Variants in FBLN7 observed in about 807,000 individuals in gnomAD.
FBLN7 encodes the protein fibulin 7, also known as fibulin-7.
In FBLN7, 31 loss-of-function variants were observed where a neutral mutation model predicts 44.0. The ratio of observed to expected loss-of-function variants is 0.70; its 90% CI spans 0.53 to 0.95. FBLN7 has a LOEUF of 0.95. Ranked by LOEUF, FBLN7 falls within the 40% of genes least tolerant of loss-of-function variation. The pLI is 0.00. For missense variants in FBLN7, 573 were observed against 618.5 expected (o/e 0.93, Z 0.78); for synonymous variants, 262 against 253.4 (o/e 1.03, Z -0.32).
the FBLN7 span, among the ~76,000 whole-genome samples, chr2:112,201,303 C>T: frequency 2.0e-5 from 3 of 152,228 alleles, no homozygotes; most frequent in South Asian, 4.1e-4. Context: ...GCCTGTTTCA[C>T]GGACCATCGT....
the FBLN7 span, among the ~76,000 whole-genome samples, chr2:112,200,809 G>T: frequency 6.6e-6 from 1 of 152,156 alleles, no homozygotes; most frequent in Admixed American, 6.5e-5. Flanking sequence ...GGGATTACAG[G>T]CGTTACAGGT....
rs1019793306 is a variant in FBLN7, at chr2:112,155,981, G to A, written c.76-3695G>A. On this transcript the variant is annotated intron_variant, in intron 1 of 7. Coordinates refer to ENST00000331203, the MANE Select transcript of FBLN7 (RefSeq NM_153214.3). Reference sequence around the variant, plus strand: ...AAACTGAGCCCTCCATGTACCCGGGGCAGCTGCGGCTCCGCGAACCCACTT... The same window carrying A: ...AAACTGAGCCCTCCATGTACCCGGGACAGCTGCGGCTCCGCGAACCCACTT... Among the ~76,000 whole-genome samples the A allele has an allele frequency of 3.9e-5, 6 of 152,308 alleles. No homozygotes were observed. The East Asian group carries it at 5.8e-4, about 15-fold the overall frequency.
At chr2:112,170,879 C>T (rs1239183425) in intron 3 of FBLN7, among the ~76,000 whole-genome samples, 2 of 152,160 alleles carry the variant, frequency 1.3e-5, no homozygotes, top group Non-Finnish European at 2.9e-5. Flanking sequence ...AGCGGAGATT[C>T]TAGGTATTTT....
At chr2:112,203,733 T>A in the FBLN7 span, among the ~76,000 whole-genome samples, 1 of 152,178 alleles carries the variant, frequency 6.6e-6, no homozygotes, top group African/African-American at 2.4e-5. Context: ...GACTTACAGT[T>A]CCACATGGCT....
rs183195542 is a variant in FBLN7 at position 112,141,429 on chromosome 2, C to T, written c.75+2699C>T. ...GCATGCCCATGGCCACCTAGAGGCC[C>T]CTACGGTGCAGGAAGGGATTCCAGG... On this transcript the variant is annotated intron_variant, in intron 1 of 7. Coordinates refer to ENST00000331203, the MANE Select transcript of FBLN7 (RefSeq NM_153214.3). 2.0e-5 allele frequency among the ~76,000 whole-genome samples: 3 copies of T among 152,172 alleles called. No homozygotes were observed. The East Asian group carries it at 5.8e-4, about 29-fold the overall frequency.
the FBLN7 span, among the ~76,000 whole-genome samples, chr2:112,210,780 TACAC>T: frequency 2.2e-4 from 33 of 151,712 alleles, no homozygotes; most frequent in African/African-American, 8.0e-4. Flanking sequence ...CATTTATACA[TACAC>T]ACAAGACACA....
chr2:112,177,626 C>A (rs910188952), intron 4 of FBLN7: 2 of 152,150 alleles, frequency 1.3e-5, no homozygotes, highest in African/African-American at 4.8e-5. Flanking sequence ...CGACCATCAC[C>A]ACCATCCAGC....
At chr2:112,173,795 A>G (rs1037623592) in intron 3 of FBLN7, among the ~76,000 whole-genome samples, 7 of 152,250 alleles carry the variant, frequency 4.6e-5, no homozygotes. Context: ...CAATCAGGAC[A>G]CAGAGTGGGT....
At chr2:112,191,045 A>G (rs578047991), downstream of FBLN7, among the ~76,000 whole-genome samples, 1 of 152,326 alleles carries the variant, frequency 6.6e-6, no homozygotes, top group African/African-American at 2.4e-5. Context: ...TGGTACAACC[A>G]TAGCTCACTG....
At chr2:112,204,791 G>A in the FBLN7 span, among the ~76,000 whole-genome samples, 1 of 152,114 alleles carries the variant, frequency 6.6e-6, no homozygotes, top group Non-Finnish European at 1.5e-5. Context: ...TACCACATAA[G>A]AAATATTAAA....
chr2:112,167,451 C>G lies in FBLN7; in HGVS notation c.406+2280C>G, dbSNP rs1246343902. Among the ~76,000 whole-genome samples the G allele has an allele frequency of 2.6e-5, 4 of 152,258 alleles. No homozygotes were observed. In the East Asian group the frequency reaches 5.8e-4, roughly 22 times the overall value. ...TGTGTCCACGAGCTTCCTTCTTGAC[C>G]TTGGTTGCTTTAGTTATGCATTTGC... On this transcript the variant is annotated intron_variant, in intron 3 of 7. Transcript: ENST00000331203.
chr2:112,231,205 A>G, the FBLN7 span, among the ~76,000 whole-genome samples: 100 of 152,296 alleles, frequency 6.6e-4, no homozygotes, highest in Admixed American at 3.0e-3. Context: ...TTTACAACCT[A>G]AAAATATCTA....
chr2:112,196,799 A>T, the FBLN7 span, among the ~76,000 whole-genome samples: 1 of 152,086 alleles, frequency 6.6e-6, no homozygotes, highest in East Asian at 1.9e-4. Flanking sequence ...CATACCCAAG[A>T]TTGGGTAATT....
chr2:112,212,448 C>T, the FBLN7 span: 1 of 152,204 alleles, frequency 6.6e-6, no homozygotes, highest in Non-Finnish European at 1.5e-5. Context: ...GGGGGAGAAA[C>T]ATGGACTTTG....
intron 1 of FBLN7, among the ~76,000 whole-genome samples, chr2:112,141,608 T>C (rs1389205068): frequency 6.6e-6 from 1 of 152,200 alleles, no homozygotes; most frequent in African/African-American, 2.4e-5. Flanking sequence ...CCTATCAACT[T>C]TGCAGGTTAC....
At position 112,159,704 on chromosome 2, in the gene FBLN7, C is replaced by T. The variant is rs756782622; in HGVS notation, c.104C>T (p.Ser35Leu). 7.6e-6 allele frequency: 12 copies of T among 1,575,522 alleles called. No homozygotes were observed. The highest frequency in any genetic ancestry group is 7.3e-5 in the Admixed American group (4 of 55,128). Residue 35 changes from serine (S) to leucine (L), a missense_variant, in exon 2 of 8, where the codon TCG becomes TTG. Physicochemically the swap from Ser to Leu is moderately radical, Grantham distance 145. Transcript: ENST00000331203. The stretch of plus-strand genomic sequence containing the variant: ...TGTCTCAGCAAACAGCAGCTCCTCT[C>T]GGCCATCCGCCAGCTGCAGCAGCTG... The part of the protein sequence containing the change: ...QNCLSKQQLL[S>L]AIRQLQQLLK...
the FBLN7 span, among the ~76,000 whole-genome samples, chr2:112,233,641 G>A: frequency 3.3e-5 from 5 of 152,106 alleles, no homozygotes; most frequent in Non-Finnish European, 5.9e-5. Context: ...GCCGAGGTGC[G>A]CGGATCATGA....
chr2:112,236,672 G>C, the FBLN7 span: 3 of 1,611,958 alleles, frequency 1.9e-6, no homozygotes, highest in Non-Finnish European at 2.5e-6. Flanking sequence ...CCAGCTTTAA[G>C]ATTTTTATTT....
chr2:112,203,826 C>A, the FBLN7 span, among the ~76,000 whole-genome samples: 1 of 152,110 alleles, frequency 6.6e-6, no homozygotes, highest in South Asian at 2.1e-4. Context: ...GATGCAAAAG[C>A]AAAAACCCCT....
Sources: allele counts gnomAD v4.1 joint callset (sites outside exome capture counted in the v4.1 genomes callset), GRCh38; gene constraint gnomAD v4.1.1; transcripts MANE v1.5; gene names NCBI Gene and HGNC (gene_info 2026-07-23, HGNC 2026-07-21).